Variants in ZNF536 observed in about 807,000 individuals in gnomAD.
ZNF536 encodes the protein zinc finger protein 536.
In ZNF536, 13 loss-of-function variants were observed where a neutral mutation model predicts 84.5. The ratio of observed to expected loss-of-function variants is 0.15; its 90% CI spans 0.10 to 0.24. The LOEUF is 0.24. ZNF536 is among the 10% of genes least tolerant of loss of function. ZNF536 has a pLI of 1.00. For synonymous variants in ZNF536, 811 were observed against 742.5 expected (o/e 1.09, Z -1.50); for missense variants, 1,536 against 1,747.5 (o/e 0.88, Z 2.16).
intron 1 of ZNF536, among the ~76,000 whole-genome samples, chr19:30,612,717 G>A (rs1568602836): frequency 6.6e-6 from 1 of 152,094 alleles, no homozygotes; most frequent in East Asian, 1.9e-4. Flanking sequence ...ATAGTATGAG[G>A]AGTTACCTCA....
At chr19:30,633,427 A>G (rs1171631966) in intron 1 of ZNF536, among the ~76,000 whole-genome samples, 1 of 152,234 alleles carries the variant, frequency 6.6e-6, no homozygotes, top group African/African-American at 2.4e-5. Flanking sequence ...GAATATTACA[A>G]ATTTACTCTC....
rs527416527 is a variant in ZNF536 at position 30,638,354 on chromosome 19, A to C, written c.170-72403A>C. Among the ~76,000 whole-genome samples the C allele has an allele frequency of 9.2e-5, 14 of 152,324 alleles. No homozygotes were observed. The South Asian group carries it at 2.7e-3, about 29-fold the overall frequency. On this transcript the variant is annotated intron_variant, in intron 1 of 1. Coordinates refer to the ZNF536 transcript ENST00000592773. ...ATGAAAAGAGTTTGAATTGGCTCAC[A>C]GTCCTGTAGGCTGTACAGGAAGCAT... is the stretch of plus-strand genomic sequence containing the variant.
chr19:30,259,647 C>G (rs921692331), intron 1 of ZNF536, among the ~76,000 whole-genome samples: 1 of 152,180 alleles, frequency 6.6e-6, no homozygotes, highest in East Asian at 1.9e-4. Flanking sequence ...CCATCATCTC[C>G]TAGTGTCATC....
At chr19:30,317,696 T>A (rs2046726895) in intron 2 of ZNF536, among the ~76,000 whole-genome samples, 1 of 152,242 alleles carries the variant, frequency 6.6e-6, no homozygotes, top group African/African-American at 2.4e-5. Flanking sequence ...CAATGACCTC[T>A]GACCATTGTC....
At chr19:30,699,695 C>T (rs966418996) in intron 1 of ZNF536, among the ~76,000 whole-genome samples, 5 of 152,202 alleles carry the variant, frequency 3.3e-5, no homozygotes, top group Admixed American at 2.6e-4. Context: ...TCTCTCATTG[C>T]CCTGCTGAGC....
chr19:30,548,791 C>G lies in ZNF536; in HGVS notation c.3172C>G (p.Gln1058Glu), dbSNP rs2045656719. Reference protein sequence around the residue: ...ASKMALLPSLQSNKDLGLSNM... With the variant: ...ASKMALLPSLESNKDLGLSNM... ...TAAGATGGCCCTGCTGCCCTCGTTA[C>G]AATCAAACAAAGACCTGGGCCTCTC... is the stretch of plus-strand genomic sequence containing the variant. Residue 1058 changes from glutamine (Q) to glutamate (E), a missense_variant, in exon 4 of 5, where the codon CAA becomes GAA. By Grantham distance (29) the Gln-to-Glu change is conservative. Around this residue, in one of 8 missense-constraint regions of ZNF536, gnomAD observed 624 missense variants for 603.1 expected, o/e 1.03. Transcript: ENST00000355537. The G allele has an allele frequency of 6.2e-7, 1 of 1,613,916 alleles. No individual in the cohort carries two copies. Among genetic ancestry groups the G allele is most frequent in the Non-Finnish European group, 8.5e-7 (1 of 1,180,014 alleles).
At chr19:30,250,780 G>A (rs1168183116) in intron 1 of ZNF536, among the ~76,000 whole-genome samples, 1 of 151,134 alleles carries the variant, frequency 6.6e-6, no homozygotes, top group Non-Finnish European at 1.5e-5. Context: ...CACCATAAAG[G>A]CATAACATAT....
intron 1 of ZNF536, among the ~76,000 whole-genome samples, chr19:30,257,939 C>T (rs2024997041): frequency 6.6e-6 from 1 of 152,178 alleles, no homozygotes; most frequent in East Asian, 1.9e-4. Flanking sequence ...ACATTGAGTA[C>T]ACAAGCAAGC....
At chr19:30,268,895 T>G (rs899000220) in intron 1 of ZNF536, among the ~76,000 whole-genome samples, 1 of 152,208 alleles carries the variant, frequency 6.6e-6, no homozygotes, top group African/African-American at 2.4e-5. Flanking sequence ...TTCTTGCTTT[T>G]AGGTAGTGGA....
upstream of ZNF536, among the ~76,000 whole-genome samples, chr19:30,368,119 C>A (rs1018374233): frequency 7.9e-5 from 12 of 152,136 alleles, no homozygotes; most frequent in Admixed American, 1.3e-4. Context: ...CCAGATTCTT[C>A]TTGTGATGAC....
chr19:30,460,222 G>A (rs934817815), intron 2 of ZNF536, among the ~76,000 whole-genome samples: 3 of 152,196 alleles, frequency 2.0e-5, no homozygotes, highest in Non-Finnish European at 4.4e-5. Context: ...TTCATGGCAA[G>A]GAAGTTAGTC....
At chr19:30,292,925 C>A (rs1305467273) in intron 2 of ZNF536, among the ~76,000 whole-genome samples, 1 of 152,214 alleles carries the variant, frequency 6.6e-6, no homozygotes, top group Non-Finnish European at 1.5e-5. Context: ...AAAGCCAAAC[C>A]AATCAATAAC....
At chr19:30,660,881 A>G (rs2050098253) in intron 1 of ZNF536, among the ~76,000 whole-genome samples, 2 of 152,226 alleles carry the variant, frequency 1.3e-5, no homozygotes, top group Non-Finnish European at 2.9e-5. Flanking sequence ...ATGTGTGTAC[A>G]TATACATACA....
At chr19:30,304,778 G>A (rs765782526) in intron 2 of ZNF536, among the ~76,000 whole-genome samples, 1 of 152,218 alleles carries the variant, frequency 6.6e-6, no homozygotes, top group Non-Finnish European at 1.5e-5. Flanking sequence ...ACTGCCCCAC[G>A]TGGACCACTC....
chr19:30,468,085 C>A (rs939156575), intron 2 of ZNF536, among the ~76,000 whole-genome samples: 1 of 152,242 alleles, frequency 6.6e-6, no homozygotes, highest in African/African-American at 2.4e-5. Flanking sequence ...CCGCCCACGA[C>A]AAGATACGCT....
chr19:30,232,050 C>G (rs1172778168), intron 1 of ZNF536, among the ~76,000 whole-genome samples: 1 of 151,390 alleles, frequency 6.6e-6, no homozygotes, highest in Non-Finnish European at 1.5e-5. Context: ...TTTCTGAAAT[C>G]CCCCTCACTT....
At chr19:30,561,024 C>A (rs145980482), downstream of ZNF536, among the ~76,000 whole-genome samples, 437 of 152,314 alleles carry the variant, frequency 2.9e-3, no homozygotes, top group African/African-American at 9.8e-3. Flanking sequence ...GTTTGTCTTT[C>A]ATGTTCTTTG....
At chr19:30,446,859 C>T (rs981792724) in intron 2 of ZNF536, among the ~76,000 whole-genome samples, 11 of 148,750 alleles carry the variant, frequency 7.4e-5, no homozygotes, top group Admixed American at 4.0e-4. Flanking sequence ...TAGCCTCAGA[C>T]GGCTAAATTA....
At chr19:30,379,724 G>A (rs1320883933) in intron 1 of ZNF536, among the ~76,000 whole-genome samples, 1 of 151,870 alleles carries the variant, frequency 6.6e-6, no homozygotes, top group African/African-American at 2.4e-5. Flanking sequence ...GAAGGGAAGA[G>A]ATGCCATAGG....
Sources: allele counts gnomAD v4.1 joint callset (sites outside exome capture counted in the v4.1 genomes callset), GRCh38; gene constraint gnomAD v4.1.1; regional missense constraint gnomAD v4.1.1; transcripts MANE v1.5; gene names NCBI Gene and HGNC (gene_info 2026-07-23, HGNC 2026-07-21).